The following PTOV1 variants were observed in gnomAD, a reference collection of about 807,000 sequenced individuals.
PTOV1 encodes PTOV1 extended AT-hook containing adaptor protein.
In PTOV1, 20 loss-of-function variants were observed where a neutral mutation model predicts 58.0. The observed-to-expected ratio is 0.34, with a 90% CI of 0.24 to 0.50. The LOEUF is 0.50. PTOV1 is among the 20% of genes least tolerant of loss of function. PTOV1 has a pLI of 0.98. For missense variants in PTOV1, 593 were observed against 565.4 expected (o/e 1.05, Z -0.50); for synonymous variants, 335 against 234.2 (o/e 1.43, Z -3.93).
At chr19:49,857,549 G>A in intron 6 of PTOV1, 144 bp from the exon 7 acceptor site, 1 of 764,516 alleles carries the variant, frequency 1.3e-6, no homozygotes, top group Non-Finnish European at 2.2e-6. Flanking sequence ...ATGAGGGGCA[G>A]GGCCTGTTCC....
chr19:49,851,952 C>T (rs556999638), intron 1 of PTOV1: 15,885 of 985,274 alleles, frequency 0.016, 170 homozygotes, highest in Non-Finnish European at 0.018. Flanking sequence ...TCTCCCCTGG[C>T]GGCCGCTCCG....
chr19:49,859,911 C>A, intron 10 of PTOV1, 75 bp from the exon 11 acceptor site: 1 of 1,516,088 alleles, frequency 6.6e-7, no homozygotes, highest in Non-Finnish European at 9.1e-7. Flanking sequence ...ATGGAGCCCA[C>A]GGCATGATGC....
chr19:49,860,396 T>TG, exon 12 of PTOV1: 13 of 446,566 alleles, frequency 2.9e-5, no homozygotes, highest in East Asian at 5.6e-5. Context: ...GGGGTGGGGT[T>TG]GGGAAAGAAG....
In PTOV1 at chr19:49,860,396, T is replaced by C. The variant is rs572530791; in HGVS notation, c.*117T>C. 1.3e-4 allele frequency: 56 copies of C among 446,596 alleles called. No individual in the cohort carries two copies. The East Asian group carries it at 3.1e-3, about 24-fold the overall frequency. The allele number at this position is 446,596 out of a possible 1,614,324, so 27.7% of individuals were successfully genotyped here. ...CTGGGGCATGTGGGGGGGGTGGGGTTGGGAAAGAAGCAGGGCGACCTTGGC... is the reference window on the plus strand; with the variant it reads ...CTGGGGCATGTGGGGGGGGTGGGGTCGGGAAAGAAGCAGGGCGACCTTGGC... On this transcript the variant is annotated 3_prime_UTR_variant, in exon 12 of 12. Coordinates refer to ENST00000391842, the Ensembl canonical transcript of PTOV1.
intron 8 of PTOV1, 35 bp downstream of exon 8, chr19:49,858,012 A>AG (rs1568648244): frequency 6.2e-7 from 1 of 1,613,246 alleles, no homozygotes; most frequent in South Asian, 1.1e-5. Flanking sequence ...GGCAGCATCC[A>AG]GGGGAGCTGG....
At chr19:49,851,309 CCGCT>C (rs993065501) in exon 1 of PTOV1, 31 of 1,055,006 alleles carry the variant, frequency 2.9e-5, no homozygotes, top group Non-Finnish European at 3.3e-5. Context: ...AGCTCCCCGC[CCGCT>C]CGGCCCGCGC....
chr19:49,859,070 TTCTC>T (rs1038626454), intron 10 of PTOV1: 12 of 160,450 alleles, frequency 7.5e-5, no homozygotes, highest in Admixed American at 2.5e-4. Context: ...CTGACTCCTC[TTCTC>T]TCTCTCGGGC....
chr19:49,858,700 C>A (rs950554604), intron 10 of PTOV1, 47 bp downstream of exon 10: 1 of 1,469,700 alleles, frequency 6.8e-7, no homozygotes, highest in Non-Finnish European at 9.3e-7. Flanking sequence ...CAGGGCAGAG[C>A]GAGCCCGGAC....
exon 12 of PTOV1, chr19:49,860,591 C>T (rs2074714954): frequency 5.7e-6 from 3 of 529,868 alleles, no homozygotes; most frequent in Admixed American, 3.5e-5. Flanking sequence ...GGCCAGCAGC[C>T]CCCACTGCAC....
chr19:49,859,629 C>T (rs1437342356), intron 10 of PTOV1, among the ~76,000 whole-genome samples: 3 of 152,190 alleles, frequency 2.0e-5, no homozygotes, highest in African/African-American at 7.2e-5. Context: ...GTACCTCAGC[C>T]CTTGCTTGTG....
At position 49,860,664 on chromosome 19, in the gene PTOV1, A is replaced by G. The variant is rs1385507946; in HGVS notation, c.*385A>G. On this transcript the variant is annotated 3_prime_UTR_variant, in exon 12 of 12. Coordinates refer to ENST00000391842, the Ensembl canonical transcript of PTOV1. ...CTGGGGACTTCAACTGCCCAGCAACATGGAGGATGGTGTCCTGAGGCCTCC... is the reference window on the plus strand; with the variant it reads ...CTGGGGACTTCAACTGCCCAGCAACGTGGAGGATGGTGTCCTGAGGCCTCC... 2.0e-5 allele frequency: 8 copies of G among 398,632 alleles called. No homozygotes were observed. The East Asian group carries it at 3.5e-4, about 18-fold the overall frequency. The allele number at this position is 398,632 out of a possible 1,614,324, so 24.7% of individuals were successfully genotyped here.
exon 12 of PTOV1, chr19:49,860,610 C>CCTGCTATCCCCAA: frequency 2.0e-6 from 1 of 506,254 alleles, no homozygotes; most frequent in South Asian, 3.0e-5. Flanking sequence ...ACCCCTGCCC[C>CCTGCTATCCCCAA]CAGGTGACAC....
chr19:49,854,578 G>T lies in PTOV1; in HGVS notation c.309+35G>T, dbSNP rs773885148. The T allele has an allele frequency of 6.2e-6, 10 of 1,612,524 alleles. No individual in the cohort carries two copies. The East Asian group carries it at 1.3e-4, about 22-fold the overall frequency. ...TGTGGGGCTGCGGCTGGCCTCCAGGGTCTTGTCTTGTCCCTGCGGGGACAG... is the reference window on the plus strand; with the variant it reads ...TGTGGGGCTGCGGCTGGCCTCCAGGTTCTTGTCTTGTCCCTGCGGGGACAG... On this transcript the variant is annotated intron_variant, in intron 2 of 11. Transcript: ENST00000391842.
chr19:49,852,174 G>C, intron 1 of PTOV1: 1 of 723,054 alleles, frequency 1.4e-6, no homozygotes, highest in Non-Finnish European at 1.7e-6. Flanking sequence ...ACTTTGCACC[G>C]TGCACACGCT....
chr19:49,860,637 C>T (rs995172146), exon 12 of PTOV1: 3 of 454,910 alleles, frequency 6.6e-6, no homozygotes, highest in African/African-American at 5.9e-5. Context: ...GAGCAGGGGC[C>T]CCTGGGGACT....
upstream of PTOV1, chr19:49,850,743 C>G: frequency 1.9e-6 from 2 of 1,037,820 alleles, no homozygotes; most frequent in Non-Finnish European, 2.7e-6. Context: ...TCAGCTGTCT[C>G]AGGCTCGGGT....
At chr19:49,851,095 TG>T, upstream of PTOV1, 1 of 1,414,066 alleles carries the variant, frequency 7.1e-7, no homozygotes. Flanking sequence ...CGCGCCGCCT[TG>T]GTACGCTCCG....
chr19:49,853,602 T>C (rs994092151), intron 1 of PTOV1, among the ~76,000 whole-genome samples: 1 of 143,906 alleles, frequency 6.9e-6, no homozygotes, highest in Non-Finnish European at 1.5e-5. Context: ...GGGAAATGAG[T>C]GAAACTCTGT....
rs573617360 is a variant in PTOV1, at chr19:49,859,823, G to GT, written c.1042-162dup. On this transcript the variant is annotated intron_variant, in intron 10 of 11. Coordinates refer to ENST00000391842, the Ensembl canonical transcript of PTOV1. ...GGCCCACCCATTGCTCTTGGCCACC[G>GT]TGTCATCCCAATAAGGGGGCCCACC... is the stretch of plus-strand genomic sequence containing the variant. The GT allele has an allele frequency of 1.2e-4, 83 of 715,310 alleles. No homozygotes were observed. In the African/African-American group the frequency reaches 1.4e-3, roughly 12 times the overall value. 44.3% of individuals were successfully genotyped at this position (715,310 alleles called of 1,614,324 possible).
Sources: gnomAD v4.1 joint callset for allele counts (sites outside exome capture counted in the v4.1 genomes callset) on GRCh38, gnomAD v4.1.1 for gene constraint, MANE v1.5 for transcripts, NCBI Gene and HGNC (gene_info 2026-07-23, HGNC 2026-07-21) for gene names.